The following RASAL2 variants were observed in gnomAD, a reference collection of about 807,000 sequenced individuals.
RASAL2 encodes the protein ras GTPase-activating protein nGAP.
RASAL2 carries 58 observed loss-of-function variants against 128.9 expected under a neutral mutation model. That is an observed-to-expected ratio of 0.45 (90% confidence interval 0.36 to 0.56). The LOEUF is 0.56. Ranked by LOEUF, RASAL2 falls within the 20% of genes least tolerant of loss-of-function variation. The probability of loss-of-function intolerance (pLI) is 0.00; values close to 1 mark genes in which losing one functional copy is unlikely to be tolerated. For synonymous variants in RASAL2, 561 were observed against 580.8 expected (o/e 0.97, Z 0.49); for missense variants, 1,360 against 1,601.6 (o/e 0.85, Z 2.57).
chr1:178,337,201 G>C (rs577198497), intron 3 of RASAL2, among the ~76,000 whole-genome samples: 1 of 152,208 alleles, frequency 6.6e-6, no homozygotes, highest in African/African-American at 2.4e-5. Flanking sequence ...GTTTGACATG[G>C]CCCTTTCTAA....
intron 2 of RASAL2, among the ~76,000 whole-genome samples, chr1:178,295,519 A>G (rs1180745132): frequency 6.6e-6 from 1 of 151,932 alleles, no homozygotes; most frequent in Non-Finnish European, 1.5e-5. Context: ...GCCAAGGTTG[A>G]GAATGTCTGT....
intron 1 of RASAL2, among the ~76,000 whole-genome samples, chr1:178,255,044 A>G (rs1161586695): frequency 6.6e-6 from 1 of 152,158 alleles, no homozygotes; most frequent in Non-Finnish European, 1.5e-5. Flanking sequence ...AAAAAATCCA[A>G]AAAAACCCAA....
chr1:178,176,910 A>G (rs1661914787), intron 1 of RASAL2, among the ~76,000 whole-genome samples: 1 of 152,044 alleles, frequency 6.6e-6, no homozygotes, highest in African/African-American at 2.4e-5. Flanking sequence ...ACAGCCTCCC[A>G]AAGAGCTGGG....
chr1:178,173,248 C>A (rs74367929), intron 1 of RASAL2, among the ~76,000 whole-genome samples: 3,174 of 152,142 alleles, frequency 0.021, 98 homozygotes, highest in African/African-American at 0.069. Flanking sequence ...TATTTTGAAC[C>A]ACTGCCCTGG....
At chr1:178,359,338 A>G (rs973524351) in intron 3 of RASAL2, among the ~76,000 whole-genome samples, 4 of 152,240 alleles carry the variant, frequency 2.6e-5, no homozygotes, top group Non-Finnish European at 5.9e-5. Context: ...ATCTCTTAAT[A>G]CAGTGTCATA....
At chr1:178,118,570 T>G (rs890855780) in intron 1 of RASAL2, among the ~76,000 whole-genome samples, 2 of 152,194 alleles carry the variant, frequency 1.3e-5, no homozygotes, top group African/African-American at 4.8e-5. Flanking sequence ...CTTTCCAGTT[T>G]GGGGATCTTT....
chr1:178,395,889 G>A (rs897694597), intron 4 of RASAL2, among the ~76,000 whole-genome samples: 1 of 150,530 alleles, frequency 6.6e-6, no homozygotes, highest in African/African-American at 2.5e-5. Flanking sequence ...AGCAATCATG[G>A]GTATGTCAGA....
intron 3 of RASAL2, among the ~76,000 whole-genome samples, chr1:178,301,147 G>T (rs1275256856): frequency 6.6e-6 from 1 of 152,136 alleles, no homozygotes; most frequent in African/African-American, 2.4e-5. Context: ...TTGTGTAATA[G>T]TTGTTGCTTT....
intron 1 of RASAL2, among the ~76,000 whole-genome samples, chr1:178,264,207 A>C (rs1196239882): frequency 2.6e-5 from 4 of 152,208 alleles, no homozygotes; most frequent in Non-Finnish European, 5.9e-5. Context: ...GAAAATGATC[A>C]TTCACTTTCC....
At chr1:178,128,962 G>A (rs1369384775) in intron 1 of RASAL2, among the ~76,000 whole-genome samples, 1 of 152,002 alleles carries the variant, frequency 6.6e-6, no homozygotes, top group Non-Finnish European at 1.5e-5. Flanking sequence ...CATTTGGGTT[G>A]TTCGGCTATT....
At chr1:178,421,372 A>G (rs1356491344) in intron 5 of RASAL2, among the ~76,000 whole-genome samples, 1 of 152,130 alleles carries the variant, frequency 6.6e-6, no homozygotes, top group Non-Finnish European at 1.5e-5. Flanking sequence ...TGTCTCGATA[A>G]TGTTCAAAAT....
intron 9 of RASAL2, among the ~76,000 whole-genome samples, chr1:178,449,211 T>C (rs1049320742): frequency 2.6e-5 from 4 of 152,162 alleles, no homozygotes; most frequent in African/African-American, 9.6e-5. Context: ...AAAGCGTCAC[T>C]CTTTCTGCAC....
At chr1:178,348,335 T>TGG in intron 3 of RASAL2, among the ~76,000 whole-genome samples, 1 of 152,306 alleles carries the variant, frequency 6.6e-6, no homozygotes, top group Middle Eastern at 3.4e-3. Context: ...TCAACCAGGG[T>TGG]GGAGTGCAAT....
At chr1:178,212,889 G>A (rs1281869171) in intron 1 of RASAL2, among the ~76,000 whole-genome samples, 1 of 152,140 alleles carries the variant, frequency 6.6e-6, no homozygotes, top group Non-Finnish European at 1.5e-5. Context: ...ATTATATTTA[G>A]GCGTAATCAC....
intron 3 of RASAL2, among the ~76,000 whole-genome samples, chr1:178,332,974 G>A (rs1669405371): frequency 6.6e-6 from 1 of 151,812 alleles, no homozygotes; most frequent in African/African-American, 2.4e-5. Flanking sequence ...ATGTAATAGT[G>A]GCTGTTTGAA....
At chr1:178,153,055 A>G (rs147849779) in intron 1 of RASAL2, among the ~76,000 whole-genome samples, 77 of 152,284 alleles carry the variant, frequency 5.1e-4, no homozygotes, top group African/African-American at 1.5e-3. Flanking sequence ...ACATTTTGGT[A>G]GTTGTTATAT....
At chr1:178,372,145 G>A (rs780265706) in intron 3 of RASAL2, 2 of 984,334 alleles carry the variant, frequency 2.0e-6, no homozygotes, top group Admixed American at 6.2e-5. Flanking sequence ...AGCAATTTAA[G>A]TGTTGGACCC....
In RASAL2 at chr1:178,220,523, A is replaced by G. The variant is rs1025870071; in HGVS notation, c.203-63041A>G. On this transcript the variant is annotated intron_variant, in intron 1 of 17. Coordinates refer to ENST00000367649, the MANE Select transcript of RASAL2 (RefSeq NM_170692.4). ...ATGTGAGAATTACTACGGGTGATAC[A>G]GAGATACAAAGCGAGCACATGCTGC... is the stretch of plus-strand genomic sequence containing the variant. Among the ~76,000 whole-genome samples the G allele has an allele frequency of 3.1e-4, 47 of 152,244 alleles. 1 individual carries two copies. The highest frequency in any genetic ancestry group is 3.1e-3 in the Admixed American group (47 of 15,284).
chr1:178,189,882 A>C (rs762827761), intron 1 of RASAL2, among the ~76,000 whole-genome samples: 2 of 152,188 alleles, frequency 1.3e-5, no homozygotes, highest in Non-Finnish European at 2.9e-5. Flanking sequence ...TGCATGTCCA[A>C]TTGTTTTTGT....
Sources: gnomAD v4.1 joint callset for allele counts (sites outside exome capture counted in the v4.1 genomes callset) on GRCh38, gnomAD v4.1.1 for gene constraint, MANE v1.5 for transcripts, NCBI Gene and HGNC (gene_info 2026-07-23, HGNC 2026-07-21) for gene names.